Variants in ALCAM observed in about 807,000 individuals in gnomAD.
ALCAM encodes the protein CD166 antigen.
Under a neutral mutation model 70.9 loss-of-function variants are expected in ALCAM, and 30 were observed. The ratio of observed to expected loss-of-function variants is 0.42; its 90% CI spans 0.32 to 0.57. The LOEUF is 0.57. Among genes scored for constraint, ALCAM ranks in the 20% least tolerant of loss-of-function variants. The pLI is 0.11. For synonymous variants in ALCAM, 249 were observed against 242.5 expected (o/e 1.03, Z -0.25); for missense variants, 591 against 695.1 (o/e 0.85, Z 1.68).
At chr3:105,444,207 C>T (rs917352181) in intron 1 of ALCAM, among the ~76,000 whole-genome samples, 3 of 152,110 alleles carry the variant, frequency 2.0e-5, no homozygotes, top group African/African-American at 7.2e-5. Context: ...TGTTCTCACA[C>T]TGCTATAAAG....
intron 14 of ALCAM, 62 bp downstream of exon 14, chr3:105,552,647 G>A: frequency 5.0e-6 from 8 of 1,608,022 alleles, no homozygotes; most frequent in Non-Finnish European, 6.8e-6. Context: ...AATACAATGT[G>A]CTAATTTTGC....
Position 105,547,173 on chromosome 3 carries a change from C to A in ALCAM, c.1129C>A (p.Pro377Thr). The A allele has an allele frequency of 6.2e-7, 1 of 1,600,928 alleles. No individual in the cohort carries two copies. The part of the protein sequence containing the change: ...MKDNIRLRSS[P>T]SFSSLHYQDA... ...GGATAACATCAGGCTTCGATCTAGC[C>A]CGTCATTTTCTAGTCTTCATTATCA... is the stretch of plus-strand genomic sequence containing the variant. The change falls in exon 10 of 16, where the codon CCG (proline) becomes ACG (threonine). Residue 377 changes from proline (P) to threonine (T), a missense_variant. Pro to Thr is a conservative substitution (Grantham distance 38). This residue lies in a region of ALCAM where 164 missense variants were observed against 244.7 expected (regional missense o/e 0.67). Coordinates refer to ENST00000306107, the MANE Select transcript of ALCAM (RefSeq NM_001627.4).
intron 1 of ALCAM, among the ~76,000 whole-genome samples, chr3:105,492,858 T>G (rs1361663554): frequency 6.6e-6 from 1 of 152,178 alleles, no homozygotes; most frequent in Non-Finnish European, 1.5e-5. Context: ...TAAATTTCAC[T>G]TTTTCAAAAC....
chr3:105,530,906 G>A (rs1939823477), intron 3 of ALCAM, among the ~76,000 whole-genome samples: 2 of 151,994 alleles, frequency 1.3e-5, no homozygotes, highest in African/African-American at 2.4e-5. Context: ...GAGGTAACAT[G>A]TCTAATAACT....
intron 1 of ALCAM, among the ~76,000 whole-genome samples, chr3:105,433,358 A>G (rs1314381367): frequency 6.6e-6 from 1 of 152,178 alleles, no homozygotes; most frequent in Non-Finnish European, 1.5e-5. Flanking sequence ...GATCCTGAAC[A>G]CTATATTGCA....
At position 105,439,949 on chromosome 3, in the gene ALCAM, T is replaced by C. The variant is rs568445590; in HGVS notation, c.73+72468T>C. 1.3e-3 allele frequency among the ~76,000 whole-genome samples: 199 copies of C among 152,368 alleles called. 3 individuals are homozygous for C. Among genetic ancestry groups the C allele is most frequent in the South Asian group, 8.3e-3 (40 of 4,824 alleles). ...GGAAAAGTGTGCTTATAGAGATATT[T>C]TCTTTTCTATTCTGTGAATATCATA... On this transcript the variant is annotated intron_variant, in intron 1 of 15. Coordinates refer to ENST00000306107, the MANE Select transcript of ALCAM (RefSeq NM_001627.4).
At chr3:105,547,596 T>C (rs1285927464) in intron 11 of ALCAM, 73 bp downstream of exon 11, 1 of 1,541,230 alleles carries the variant, frequency 6.5e-7, no homozygotes, top group Non-Finnish European at 8.7e-7. Context: ...ACCTACCCTA[T>C]AGGTTGGTTT....
intron 1 of ALCAM, among the ~76,000 whole-genome samples, chr3:105,368,435 C>A (rs1321875642): frequency 6.6e-6 from 1 of 152,018 alleles, no homozygotes; most frequent in Non-Finnish European, 1.5e-5. Flanking sequence ...GGTTCCTTTG[C>A]TCCCCTAAAC....
chr3:105,543,061 T>A (rs962940946), intron 8 of ALCAM, among the ~76,000 whole-genome samples: 19 of 151,784 alleles, frequency 1.3e-4, no homozygotes, highest in Non-Finnish European at 2.2e-4. Flanking sequence ...TCATTGCTCA[T>A]GATGTCTTTG....
intron 1 of ALCAM, among the ~76,000 whole-genome samples, chr3:105,459,887 T>C (rs533595685): frequency 6.6e-6 from 1 of 152,068 alleles, no homozygotes; most frequent in African/African-American, 2.4e-5. Flanking sequence ...TAATTAGACT[T>C]GCATAGAGAT....
At chr3:105,437,325 C>A (rs1937071701) in intron 1 of ALCAM, among the ~76,000 whole-genome samples, 1 of 152,148 alleles carries the variant, frequency 6.6e-6, no homozygotes, top group African/African-American at 2.4e-5. Flanking sequence ...AAACCGATAT[C>A]ATCTATTATA....
chr3:105,470,595 T>G (rs1937899155), intron 1 of ALCAM, among the ~76,000 whole-genome samples: 1 of 151,262 alleles, frequency 6.6e-6, no homozygotes, highest in Non-Finnish European at 1.5e-5. Flanking sequence ...CAGCATTTTG[T>G]AACACTCAGA....
intron 15 of ALCAM, among the ~76,000 whole-genome samples, chr3:105,573,067 G>A (rs915129890): frequency 6.6e-6 from 1 of 152,212 alleles, no homozygotes; most frequent in Non-Finnish European, 1.5e-5. Flanking sequence ...GCTCACGCCT[G>A]TAATCCCAGC....
intron 15 of ALCAM, 71 bp downstream of exon 15, chr3:105,572,035 C>A (rs1225107483): frequency 1.2e-6 from 1 of 856,434 alleles, no homozygotes; most frequent in Non-Finnish European, 1.8e-6. Context: ...AGATGAAGTC[C>A]TTTATGTTAA....
At chr3:105,468,762 G>A (rs1031046004) in intron 1 of ALCAM, among the ~76,000 whole-genome samples, 1 of 151,280 alleles carries the variant, frequency 6.6e-6, no homozygotes, top group African/African-American at 2.4e-5. Flanking sequence ...AAAATGTGAA[G>A]TAGCGTGTCT....
intron 7 of ALCAM, among the ~76,000 whole-genome samples, chr3:105,540,484 C>T (rs1246675658): frequency 6.6e-6 from 1 of 151,998 alleles, no homozygotes; most frequent in East Asian, 1.9e-4. Context: ...ACCTCTAACC[C>T]TCAGAAGTAG....
intron 1 of ALCAM, among the ~76,000 whole-genome samples, chr3:105,442,488 ATG>A (rs1292634107): frequency 6.6e-6 from 1 of 152,238 alleles, no homozygotes; most frequent in Non-Finnish European, 1.5e-5. Flanking sequence ...CTCATAAAAA[ATG>A]AGTAAATTCG....
intron 1 of ALCAM, among the ~76,000 whole-genome samples, chr3:105,482,360 A>C (rs1938297746): frequency 6.6e-6 from 1 of 152,060 alleles, no homozygotes; most frequent in South Asian, 2.1e-4. Flanking sequence ...GATCTGCATA[A>C]CTTGGACTCC....
chr3:105,440,987 A>G (rs1937157853), intron 1 of ALCAM: 1 of 152,076 alleles, frequency 6.6e-6, no homozygotes, highest in Non-Finnish European at 1.5e-5. Flanking sequence ...CTGAAAAGAA[A>G]CTTCAACTGA....
Sources: gnomAD v4.1 joint callset for allele counts (sites outside exome capture counted in the v4.1 genomes callset) on GRCh38, gnomAD v4.1.1 for gene constraint, gnomAD v4.1.1 regional missense constraint, MANE v1.5 for transcripts, NCBI Gene and HGNC (gene_info 2026-07-23, HGNC 2026-07-21) for gene names.